The following FBN2 variants were observed in gnomAD, a reference collection of about 807,000 sequenced individuals.
FBN2 encodes fibrillin-2.
Under a neutral mutation model 355.6 loss-of-function variants are expected in FBN2, and 105 were observed. The observed-to-expected ratio is 0.30, with a 90% CI of 0.25 to 0.35. The LOEUF is 0.35. Among genes scored for constraint, FBN2 ranks in the 10% least tolerant of loss-of-function variants. FBN2 has a pLI of 1.00. For synonymous variants in FBN2, 1,350 were observed against 1,301.2 expected (o/e 1.04, Z -0.81); for missense variants, 3,280 against 3,758.7 (o/e 0.87, Z 3.33).
intron 6 of FBN2, among the ~76,000 whole-genome samples, chr5:128,449,709 A>C (rs970390996): frequency 8.6e-5 from 13 of 151,770 alleles, no homozygotes; most frequent in South Asian, 2.1e-4. Flanking sequence ...AAAATTGATA[A>C]TCATATGAGA....
intron 50 of FBN2, among the ~76,000 whole-genome samples, chr5:128,290,319 CTGT>C (rs1749285184): frequency 6.6e-6 from 1 of 152,178 alleles, no homozygotes; most frequent in Admixed American, 6.5e-5. Context: ...TGATCTTTTC[CTGT>C]AAAGGGCCAT....
intron 57 of FBN2, 132 bp from the exon 58 acceptor site, chr5:128,278,137 C>G: frequency 1.1e-6 from 1 of 876,930 alleles, no homozygotes; most frequent in Admixed American, 1.9e-5. Context: ...CACTGGAGCA[C>G]CTGTTCATCA....
In FBN2 at chr5:128,261,678, G is replaced by A. The variant is rs567091274; in HGVS notation, c.8364+58C>T. The A allele has an allele frequency of 2.4e-5, 37 of 1,521,064 alleles. No homozygotes were observed. In the South Asian group the frequency reaches 2.6e-4, roughly 11 times the overall value. 94.2% of individuals were successfully genotyped at this position (1,521,064 alleles called of 1,614,324 possible). A position where few individuals can be genotyped will look rare whatever the true frequency, so the allele number is the denominator to read the frequency against. ...GGCTGAAAACGACGTGAACTGCACT[G>A]TATACATGACTCCGTAGGGATAAAA... On this transcript the variant is annotated intron_variant, in intron 64 of 64. Coordinates refer to ENST00000262464, the MANE Select transcript of FBN2 (RefSeq NM_001999.4).
intron 32 of FBN2, 122 bp from the exon 33 acceptor site, chr5:128,330,817 T>C: frequency 9.0e-7 from 1 of 1,116,534 alleles, no homozygotes; most frequent in Non-Finnish European, 1.3e-6. Context: ...GTTTGCAGGA[T>C]CACAGTTCTA....
intron 6 of FBN2, among the ~76,000 whole-genome samples, chr5:128,452,144 C>T (rs1754266621): frequency 6.6e-6 from 1 of 152,016 alleles, no homozygotes; most frequent in Admixed American, 6.5e-5. Flanking sequence ...TATAAAAAAG[C>T]ATGCCTCAAG....
chr5:128,461,460 A>T (rs1190988975), intron 6 of FBN2, among the ~76,000 whole-genome samples: 1 of 152,240 alleles, frequency 6.6e-6, no homozygotes, highest in Non-Finnish European at 1.5e-5. Flanking sequence ...TCAAGGGTCT[A>T]GAACCAGAAA....
chr5:128,405,850 A>G (rs1447793082), intron 8 of FBN2, among the ~76,000 whole-genome samples: 1 of 152,220 alleles, frequency 6.6e-6, no homozygotes, highest in Non-Finnish European at 1.5e-5. Flanking sequence ...CTTCACAATA[A>G]TAACCTCACT....
chr5:128,335,316 T>C, intron 29 of FBN2, 21 bp from the exon 30 acceptor site: 1 of 1,614,068 alleles, frequency 6.2e-7, no homozygotes, highest in Non-Finnish European at 8.5e-7. Context: ...AAAATTAGCA[T>C]CAAATGAAAA....
intron 5 of FBN2, among the ~76,000 whole-genome samples, chr5:128,466,993 A>T (rs1440916382): frequency 1.3e-5 from 2 of 152,190 alleles, no homozygotes; most frequent in East Asian, 3.9e-4. Flanking sequence ...TGCAAAAAAA[A>T]TATAAAAACA....
rs886039005 is a variant in FBN2 at position 128,276,067 on chromosome 5, A to G, written c.7565T>C (p.Val2522Ala). 1.9e-6 allele frequency: 3 copies of G among 1,613,790 alleles called. No individual in the cohort carries two copies. Among genetic ancestry groups the G allele is most frequent in the Non-Finnish European group, 2.5e-6 (3 of 1,179,834 alleles). Residue 2522 changes from valine to alanine, a missense_variant, in exon 59 of 65, where the codon GTC (valine) becomes GCC (alanine). Physicochemically the swap from Val to Ala is moderately conservative, Grantham distance 64 (BLOSUM62 0). Transcript: ENST00000262464. The stretch of plus-strand genomic sequence containing the variant: ...GCATGTCTTTCCATCCTCTTGCAGG[A>G]CATACCCCCTCGGACATGAACACTG... Reference protein sequence around the residue: ...SYQCSCPRGYVLQEDGKTCKD... With the variant: ...SYQCSCPRGYALQEDGKTCKD...
At chr5:128,309,137 T>C (rs1749964578) in intron 41 of FBN2, 110 bp downstream of exon 41, 6 of 1,178,652 alleles carry the variant, frequency 5.1e-6, no homozygotes, top group Admixed American at 1.9e-5. Context: ...TTGGGAATTT[T>C]TGGAACTGAG....
At chr5:128,448,988 G>A (rs1490698542) in intron 6 of FBN2, among the ~76,000 whole-genome samples, 1 of 151,720 alleles carries the variant, frequency 6.6e-6, no homozygotes, top group Non-Finnish European at 1.5e-5. Flanking sequence ...AAGAATTTTT[G>A]GACTTTAAAT....
At chr5:128,337,942 C>T (rs1750889535) in intron 27 of FBN2, 55 bp downstream of exon 27, 1 of 1,600,830 alleles carries the variant, frequency 6.2e-7, no homozygotes, top group Non-Finnish European at 8.6e-7. Flanking sequence ...AGAACTGATC[C>T]CTGGTCTTTA....
In FBN2 at chr5:128,374,659, C is replaced by A; in HGVS notation, c.2064G>T (p.Leu688=). The stretch of plus-strand genomic sequence containing the variant: ...ACACACGTCCATCCATGCCCACAGC[C>A]AGGCCTGGGGGACAGTCACAGCGGA... ...GSFRCDCPPG[L]AVGMDGRVCV... Residue 688 remains leucine (L), a synonymous_variant, in exon 15 of 65, where the codon CTG becomes CTT. Transcript: ENST00000262464. The A allele has an allele frequency of 1.9e-6, 3 of 1,614,034 alleles. No homozygotes were observed. Among genetic ancestry groups the A allele is most frequent in the South Asian group, 2.2e-5 (2 of 91,092 alleles).
intron 5 of FBN2, among the ~76,000 whole-genome samples, chr5:128,481,160 C>A (rs1300655484): frequency 1.4e-5 from 2 of 146,364 alleles, no homozygotes; most frequent in Non-Finnish European, 3.0e-5. Context: ...AATACCAGAC[C>A]CACATAATTT....
chr5:128,449,995 C>G (rs961986354), intron 6 of FBN2, among the ~76,000 whole-genome samples: 4 of 152,070 alleles, frequency 2.6e-5, no homozygotes, highest in Admixed American at 2.6e-4. Context: ...ATAATGCTAA[C>G]TGTGCATGCA....
At chr5:128,467,549 A>T (rs1289099173) in intron 5 of FBN2, among the ~76,000 whole-genome samples, 1 of 152,144 alleles carries the variant, frequency 6.6e-6, no homozygotes, top group Non-Finnish European at 1.5e-5. Flanking sequence ...TTATGGACAA[A>T]AGAGTCCTTA....
chr5:128,344,691 T>A (rs1457738771), intron 24 of FBN2, among the ~76,000 whole-genome samples, 181 bp from the exon 25 acceptor site: 2 of 151,746 alleles, frequency 1.3e-5, no homozygotes, highest in Non-Finnish European at 2.9e-5. Context: ...GTGAAAAAGA[T>A]CTTATATTCT....
intron 48 of FBN2, among the ~76,000 whole-genome samples, chr5:128,297,253 C>A (rs191872687): frequency 6.6e-6 from 1 of 152,200 alleles, no homozygotes; most frequent in East Asian, 1.9e-4. Flanking sequence ...AGCTTTACTT[C>A]CAAGTATGTG....
Sources: gnomAD v4.1 joint callset for allele counts (sites outside exome capture counted in the v4.1 genomes callset) on GRCh38, gnomAD v4.1.1 for gene constraint, MANE v1.5 for transcripts, NCBI Gene and HGNC (gene_info 2026-07-23, HGNC 2026-07-21) for gene names.